JADE1: variants seen among roughly 807,000 people sequenced by gnomAD.
The protein encoded by JADE1 is jade family PHD finger 1.
A neutral mutation model predicts 81.8 loss-of-function variants in JADE1; 14 were observed. That is an observed-to-expected ratio of 0.17 (90% CI 0.11 to 0.27). The LOEUF is 0.27. Among genes scored for constraint, JADE1 ranks in the 10% least tolerant of loss-of-function variants. The pLI is 1.00. For synonymous variants in JADE1, 353 were observed against 391.9 expected (o/e 0.90, Z 1.17); for missense variants, 690 against 1,047.9 (o/e 0.66, Z 4.71).
chr4:128,843,841 A>G (rs1189150088), intron 3 of JADE1, among the ~76,000 whole-genome samples: 1 of 152,158 alleles, frequency 6.6e-6, no homozygotes, highest in Non-Finnish European at 1.5e-5. Context: ...CCTTGGAGGA[A>G]CTTCCCAGGC....
rs183945688 is a variant in JADE1 at position 128,863,070 on chromosome 4, C to T, written c.1503+845C>T. The T allele has an allele frequency of 1.2e-4, 118 of 985,530 alleles. No individual in the cohort carries two copies. In the African/African-American group the frequency reaches 1.5e-3, roughly 13 times the overall value. 61.0% of individuals were successfully genotyped at this position (985,530 alleles called of 1,614,324 possible). On this transcript the variant is annotated intron_variant, in intron 9 of 10. Transcript: ENST00000226319. ...TTGTCACACTGAGATTGCTGAATGT[C>T]GTGGCTGTTGGCTGCCGAGCCTCAG...
At chr4:128,845,504 G>A (rs1302589516) in intron 3 of JADE1, among the ~76,000 whole-genome samples, 1 of 152,166 alleles carries the variant, frequency 6.6e-6, no homozygotes, top group Non-Finnish European at 1.5e-5. Flanking sequence ...GTGGCCTGTG[G>A]TTGCTTCTCT....
At chr4:128,831,369 G>A (rs932154252) in intron 1 of JADE1, 4 of 186,190 alleles carry the variant, frequency 2.1e-5, no homozygotes, top group Non-Finnish European at 4.4e-5. Flanking sequence ...TCTGTCTGTA[G>A]TGAGGAAGCA....
intron 5 of JADE1, 46 bp downstream of exon 5, chr4:128,849,213 G>C (rs372295205): frequency 6.6e-7 from 1 of 1,515,174 alleles, no homozygotes; most frequent in Non-Finnish European, 8.9e-7. Context: ...ATGATGAATA[G>C]AGACATTTTA....
chr4:128,864,997 A>G (rs1243492289), intron 9 of JADE1: 1 of 152,188 alleles, frequency 6.6e-6, no homozygotes, highest in Non-Finnish European at 1.5e-5. Context: ...TTTCCCCTAA[A>G]AGATGCAGTA....
rs752517038 is a variant in JADE1, at chr4:128,849,130, A to G, written c.447A>G (p.Ala149=). The change falls in exon 5 of 11, where the codon GCA becomes GCG. Residue 149 remains alanine (A), a synonymous_variant. Transcript: ENST00000226319. The part of the protein sequence containing the change: ...CRYDLNDMDA[A]WLELTNEEFK... ...ATGACCTCAATGACATGGATGCTGC[A>G]TGGCTGGAACTGACCAATGAAGAAT... 4.3e-6 allele frequency: 7 copies of G among 1,613,796 alleles called. No individual in the cohort carries two copies. The highest frequency in any genetic ancestry group is 3.3e-5 in the Admixed American group (2 of 59,994).
chr4:128,831,782 C>A lies in JADE1; in HGVS notation c.24C>A (p.Ser8Arg). 1 of 1,614,204 alleles carries A rather than the reference C, an allele frequency of 6.2e-7. No individual in the cohort carries two copies. The highest frequency in any genetic ancestry group is 2.2e-5 in the East Asian group (1 of 44,884). ...TCATGAAACGAGGTCGCCTTCCCAG[C>A]AGCAGTGAGGATTCTGACGACAATG... is the stretch of plus-strand genomic sequence containing the variant. MKRGRLP[S>R]SSEDSDDNGS... The change falls in exon 2 of 11, where the codon AGC becomes AGA. Residue 8 changes from serine (S) to arginine (R), a missense_variant. By Grantham distance (110) the Ser-to-Arg change is moderately radical. Around this residue, in one of 8 missense-constraint regions of JADE1, gnomAD observed 59 missense variants for 52.8 expected, o/e 1.12. Transcript: ENST00000226319.
At chr4:128,847,022 G>T (rs1463967996) in intron 4 of JADE1, among the ~76,000 whole-genome samples, 3 of 152,234 alleles carry the variant, frequency 2.0e-5, no homozygotes, top group Non-Finnish European at 4.4e-5. Flanking sequence ...GTTAGGGTTT[G>T]TGGAGAGGGG....
chr4:128,856,807 T>C (rs1730831457), intron 7 of JADE1, among the ~76,000 whole-genome samples: 1 of 152,214 alleles, frequency 6.6e-6, no homozygotes, highest in African/African-American at 2.4e-5. Flanking sequence ...CGTGGTTTGG[T>C]ATTGATGGGA....
intron 1 of JADE1, chr4:128,811,516 C>A (rs1159890909): frequency 6.6e-6 from 1 of 151,832 alleles, no homozygotes; most frequent in Non-Finnish European, 1.5e-5. Flanking sequence ...TTGTAGCCCG[C>A]CTCTGGTGTT....
chr4:128,870,199 AATG>A (rs1395125729), intron 10 of JADE1, among the ~76,000 whole-genome samples: 3 of 152,194 alleles, frequency 2.0e-5, no homozygotes, highest in African/African-American at 7.2e-5. Context: ...GGTTGATTCT[AATG>A]ATTGATTCTT....
chr4:128,856,183 G>A (rs1040605978), intron 7 of JADE1, among the ~76,000 whole-genome samples: 1 of 152,196 alleles, frequency 6.6e-6, no homozygotes, highest in Non-Finnish European at 1.5e-5. Context: ...TTTAGTGGGT[G>A]GGTGGAGAAC....
At chr4:128,834,530 CT>C (rs202245727) in intron 2 of JADE1, among the ~76,000 whole-genome samples, 42,011 of 99,022 alleles carry the variant, frequency 0.42, 7,871 homozygotes, top group East Asian at 0.52. Flanking sequence ...CCAAATATTT[CT>C]TTTTTTTTTT....
intron 7 of JADE1, among the ~76,000 whole-genome samples, chr4:128,856,678 G>A (rs1246170653): frequency 3.9e-5 from 6 of 152,148 alleles, no homozygotes; most frequent in Admixed American, 2.0e-4. Context: ...AATATAATTT[G>A]CTATTCAAAT....
At chr4:128,847,657 C>G (rs949333561) in intron 4 of JADE1, among the ~76,000 whole-genome samples, 1 of 152,150 alleles carries the variant, frequency 6.6e-6, no homozygotes, top group African/African-American at 2.4e-5. Flanking sequence ...CAGTGGGGAG[C>G]CAGGACAGAA....
intron 2 of JADE1, among the ~76,000 whole-genome samples, chr4:128,832,901 A>G (rs567882771): frequency 7.9e-5 from 12 of 152,324 alleles, no homozygotes; most frequent in South Asian, 6.2e-4. Context: ...ACAGAACTCA[A>G]TGTGGTATTT....
intron 2 of JADE1, among the ~76,000 whole-genome samples, chr4:128,834,291 ACTT>A (rs1447103611): frequency 2.0e-5 from 3 of 151,930 alleles, no homozygotes; most frequent in South Asian, 2.1e-4. Flanking sequence ...TTGCAGATGG[ACTT>A]CTTCTCACGT....
Position 128,872,467 on chromosome 4 carries a change from A to C in JADE1, c.*205A>C, listed in dbSNP as rs1732266185. 1 of 566,632 alleles carries C rather than the reference A, an allele frequency of 1.8e-6. No individual in the cohort carries two copies. Among genetic ancestry groups the C allele is most frequent in the East Asian group, 2.9e-5 (1 of 34,758 alleles). The allele number at this position is 566,632 out of a possible 1,614,324, so 35.1% of individuals were successfully genotyped here. ...TATTTGCAACTTGTTGAGGAAACAGAAGAGTAGATTGTAACCATAAGACAC... is the reference window on the plus strand; with the variant it reads ...TATTTGCAACTTGTTGAGGAAACAGCAGAGTAGATTGTAACCATAAGACAC... On this transcript the variant is annotated 3_prime_UTR_variant, in exon 11 of 11. Coordinates refer to ENST00000226319, the MANE Select transcript of JADE1 (RefSeq NM_199320.4).
intron 9 of JADE1, chr4:128,864,504 G>T: frequency 1.0e-6 from 1 of 985,372 alleles, no homozygotes; most frequent in Non-Finnish European, 1.2e-6. Context: ...TTGCCATGAT[G>T]CCTGTGATGG....
Sources: allele counts gnomAD v4.1 joint callset (sites outside exome capture counted in the v4.1 genomes callset), GRCh38; gene constraint gnomAD v4.1.1; regional missense constraint gnomAD v4.1.1; transcripts MANE v1.5; gene names NCBI Gene and HGNC (gene_info 2026-07-23, HGNC 2026-07-21).